Variants in AGT observed in about 807,000 individuals in gnomAD.
AGT encodes the protein angiotensinogen.
A neutral mutation model predicts 28.1 loss-of-function variants in AGT; 26 were observed. That is an observed-to-expected ratio of 0.92 (90% CI 0.68 to 1.28). AGT has a LOEUF of 1.28. AGT is among the 50% of genes most tolerant of loss of function. The pLI is 0.00. For synonymous variants in AGT, 259 were observed against 259.6 expected (o/e 1.00, Z 0.02); for missense variants, 596 against 592.3 (o/e 1.01, Z -0.06).
At chr1:230,703,385 G>T in intron 4 of AGT, 56 bp from the exon 5 acceptor site, 1 of 1,601,828 alleles carries the variant, frequency 6.2e-7, no homozygotes, top group Non-Finnish European at 8.5e-7. Flanking sequence ...GACCCAGGGT[G>T]CTGAGGGCTA....
intron 1 of AGT, among the ~76,000 whole-genome samples, chr1:230,723,156 AC>A (rs1663878997): frequency 6.6e-6 from 1 of 152,082 alleles, no homozygotes; most frequent in South Asian, 2.1e-4. Context: ...TCCTTCACAC[AC>A]ACTTTTCTCT....
chr1:230,710,970 C>T (rs141259719), intron 1 of AGT, 117 bp from the exon 2 acceptor site: 1 of 1,297,124 alleles, frequency 7.7e-7, no homozygotes, highest in Non-Finnish European at 1.1e-6. Flanking sequence ...AGAATAAATC[C>T]ATTCATGTCT....
rs1362418930 is a variant in AGT, at chr1:230,710,144, G to A, written c.680C>T (p.Pro227Leu). The A allele has an allele frequency of 1.2e-6, 2 of 1,614,052 alleles. No homozygotes were observed. The highest frequency in any genetic ancestry group is 8.5e-7 in the Non-Finnish European group (1 of 1,180,046). ...CAGTTCTGTGAAGTCCAGAGAGCGTGGGAGGACCACAGGGGTATAGAGAGC... is the reference window on the plus strand; with the variant it reads ...CAGTTCTGTGAAGTCCAGAGAGCGTAGGAGGACCACAGGGGTATAGAGAGC... ...GLALYTPVVL[P>L]RSLDFTELDV... Residue 227 changes from proline to leucine, a missense_variant, in exon 2 of 5, where the codon CCA becomes CTA. Coordinates refer to ENST00000366667, the MANE Select transcript of AGT (RefSeq NM_001384479.1).
intron 1 of AGT, among the ~76,000 whole-genome samples, chr1:230,729,986 C>A (rs2102802321): frequency 6.6e-6 from 1 of 151,760 alleles, no homozygotes; most frequent in African/African-American, 2.4e-5. Flanking sequence ...ACGGTGAAAA[C>A]CCATCTCTAC....
intron 2 of AGT, 115 bp from the exon 3 acceptor site, chr1:230,706,315 C>T (rs1236508451): frequency 1.6e-6 from 2 of 1,213,652 alleles, no homozygotes; most frequent in Non-Finnish European, 2.3e-6. Context: ...CAGCCTCCTT[C>T]CTTGGCCCCC....
At chr1:230,707,404 T>A (rs541419405) in intron 2 of AGT, among the ~76,000 whole-genome samples, 1 of 152,108 alleles carries the variant, frequency 6.6e-6, no homozygotes, top group Non-Finnish European at 1.5e-5. Context: ...GTAGAGATGG[T>A]TCAGAAACAG....
chr1:230,740,549 C>T (rs1003025182), intron 1 of AGT, among the ~76,000 whole-genome samples: 1 of 152,110 alleles, frequency 6.6e-6, no homozygotes, highest in Admixed American at 6.5e-5. Flanking sequence ...GTAAGAGAGA[C>T]CATTTTAAAA....
rs148446907 is a variant in AGT, at chr1:230,710,026, G to A, written c.798C>T (p.Thr266=). The part of the protein sequence containing the change: ...CSLMGASVDS[T]LAFNTYVHFQ... ...AGTGGACGTAGGTGTTGAAAGCCAG[G>A]GTGCTGTCCACACTGGCTCCCATCA... Residue 266 remains threonine (T), a synonymous_variant, in exon 2 of 5, where the codon ACC becomes ACT. Coordinates refer to ENST00000366667, the MANE Select transcript of AGT (RefSeq NM_001384479.1). 5.0e-6 allele frequency: 8 copies of A among 1,614,022 alleles called. No individual in the cohort carries two copies. The highest frequency in any genetic ancestry group is 1.1e-5 in the South Asian group (1 of 91,090).
rs1283054586 is a variant in AGT, at chr1:230,710,672, C to T, written c.152G>A (p.Gly51Glu). Residue 51 changes from glycine to glutamate, a missense_variant, in exon 2 of 5, where the codon GGG becomes GAG. By Grantham distance (98) the Gly-to-Glu change is moderately conservative. Coordinates refer to ENST00000366667, the MANE Select transcript of AGT (RefSeq NM_001384479.1). ...TATGAAGGTGGGGTCTTTGGGCTTC[C>T]CGGCATTGGCCTTTGCCAGCTGCTC... The part of the protein sequence containing the change: ...TCEQLAKANA[G>E]KPKDPTFIPA... 1 of 1,614,112 alleles carries T rather than the reference C, an allele frequency of 6.2e-7. No individual in the cohort carries two copies. Among genetic ancestry groups the T allele is most frequent in the African/African-American group, 1.3e-5 (1 of 74,936 alleles).
chr1:230,705,995 G>A lies in AGT; in HGVS notation c.1035C>T (p.Asp345=), dbSNP rs1245529486. 3.1e-6 allele frequency: 5 copies of A among 1,614,162 alleles called. No individual in the cohort carries two copies. The highest frequency in any genetic ancestry group is 3.4e-6 in the Non-Finnish European group (4 of 1,180,028). The change falls in exon 3 of 5, where the codon GAC becomes GAT. Residue 345 remains aspartate, a synonymous_variant. Transcript: ENST00000366667. The part of the protein sequence containing the change: ...LIQPHYASDL[D]KVEGLTFQQN... ...GCTGGAAAGTGAGACCCTCCACCTT[G>A]TCCAGGTCAGAGGCATAGTGAGGCT...
chr1:230,737,659 T>C lies in AGT; in HGVS notation c.-31+7856A>G, dbSNP rs1043701344. Among the ~76,000 whole-genome samples the C allele has an allele frequency of 2.0e-5, 3 of 152,176 alleles. No individual in the cohort carries two copies. In the South Asian group the frequency reaches 6.2e-4, roughly 31 times the overall value. On this transcript the variant is annotated intron_variant, in intron 1 of 4. Transcript: ENST00000681269. ...TGCTATCAAATCTCCCTTTTAGTAC[T>C]ACAACTTTACGAAACACTGTAGGAG...
At chr1:230,736,088 C>G (rs1664150165) in intron 1 of AGT, among the ~76,000 whole-genome samples, 1 of 152,088 alleles carries the variant, frequency 6.6e-6, no homozygotes, top group South Asian at 2.1e-4. Flanking sequence ...AACACATAGG[C>G]TGATTAATAA....
At chr1:230,714,339 G>T (rs1344955429), upstream of AGT, 1 of 152,330 alleles carries the variant, frequency 6.6e-6, no homozygotes, top group Non-Finnish European at 1.5e-5. Flanking sequence ...GAGTGAGCCG[G>T]TGCAGGGTCG....
chr1:230,727,972 C>T (rs1216256149), intron 1 of AGT, among the ~76,000 whole-genome samples: 2 of 152,128 alleles, frequency 1.3e-5, no homozygotes, highest in Non-Finnish European at 2.9e-5. Context: ...CTCAGATCAG[C>T]CTCCTCAAAA....
In AGT at chr1:230,709,990, C is replaced by A; in HGVS notation, c.829+5G>T. The A allele has an allele frequency of 6.2e-7, 1 of 1,614,174 alleles. No individual in the cohort carries two copies. Among genetic ancestry groups the A allele is most frequent in the South Asian group, 1.1e-5 (1 of 91,080 alleles). ...GGCCAGAGCCAGCAGAGAGGTTTGC[C>A]TTACCTTGGAAGTGGACGTAGGTGT... On this transcript the variant is annotated splice_donor_5th_base_variant and intron_variant, in intron 2 of 4. Transcript: ENST00000366667.
chr1:230,703,108 C>A lies in AGT; in HGVS notation c.*33G>T, dbSNP rs61762526. On this transcript the variant is annotated 3_prime_UTR_variant, in exon 5 of 5. Coordinates refer to ENST00000366667, the MANE Select transcript of AGT (RefSeq NM_001384479.1). ...TTGCCTCAAAGGCCAGGGGCAGAGG[C>A]CTTGCCAGGCACTGTGTTCTGGGGC... 599 of 1,607,926 alleles carry A rather than the reference C, an allele frequency of 3.7e-4. 3 individuals are homozygous for A. Among genetic ancestry groups the A allele is most frequent in the Middle Eastern group, 8.7e-4 (4 of 4,614 alleles).
intron 1 of AGT, among the ~76,000 whole-genome samples, chr1:230,734,610 ATGTGTGTG>A (rs59787972): frequency 6.7e-6 from 1 of 150,264 alleles, no homozygotes; most frequent in Non-Finnish European, 1.5e-5. Context: ...TGGTGTGTGT[ATGTGTGTG>A]TGTGTGTGTG....
At chr1:230,732,707 C>T (rs1664089313) in intron 1 of AGT, among the ~76,000 whole-genome samples, 1 of 152,014 alleles carries the variant, frequency 6.6e-6, no homozygotes, top group African/African-American at 2.4e-5. Flanking sequence ...AAAGAGAAAA[C>T]ATATTTACTC....
chr1:230,731,362 A>G (rs1469957733), intron 1 of AGT, among the ~76,000 whole-genome samples: 2 of 152,154 alleles, frequency 1.3e-5, no homozygotes, highest in Non-Finnish European at 2.9e-5. Flanking sequence ...CACAGCACAT[A>G]GCCAGTTATT....
Sources: gnomAD v4.1 joint callset for allele counts (sites outside exome capture counted in the v4.1 genomes callset) on GRCh38, gnomAD v4.1.1 for gene constraint, MANE v1.5 for transcripts, NCBI Gene and HGNC (gene_info 2026-07-23, HGNC 2026-07-21) for gene names.